Variants in SLC39A2 observed in about 807,000 individuals in gnomAD.
SLC39A2 encodes solute carrier family 39 member 2.
SLC39A2 carries 14 observed loss-of-function variants against 18.0 expected under a neutral mutation model. That is an observed-to-expected ratio of 0.78 (90% CI 0.51 to 1.22). The LOEUF (loss-of-function observed/expected upper bound fraction) is 1.22. Among genes scored for constraint, SLC39A2 ranks in the 50% most tolerant of loss-of-function variants. SLC39A2 has a pLI of 0.00. For synonymous variants in SLC39A2, 152 were observed against 153.1 expected, an observed-to-expected ratio of 0.99 and a Z score of 0.05; for missense variants, 375 against 370.6, an observed-to-expected ratio of 1.01 and a Z score of -0.10.
At chr14:21,000,256 G>A (rs1484763805) in intron 3 of SLC39A2, 90 bp downstream of exon 3, 4 of 912,702 alleles carry the variant, frequency 4.4e-6, no homozygotes, top group Non-Finnish European at 6.9e-6. Context: ...AATACATGAG[G>A]AGTACCAAGA....
intron 3 of SLC39A2, 115 bp from the exon 4 acceptor site, chr14:21,000,832 T>C (rs552575433): frequency 1.5e-5 from 14 of 904,276 alleles, no homozygotes; most frequent in African/African-American, 1.5e-4. Context: ...TCCCCTACCC[T>C]TTTTTGTGTT....
At position 21,001,064 on chromosome 14, in the gene SLC39A2, G is replaced by A. The variant is rs144375696; in HGVS notation, c.415G>A (p.Glu139Lys). Reference sequence around the variant, plus strand: ...TGCTGGAGGATCGACAGTGCAGGACGAAGAATGGGGTGGGGCTCATATCTT... The same window carrying A: ...TGCTGGAGGATCGACAGTGCAGGACAAAGAATGGGGTGGGGCTCATATCTT... ...GAAGGSTVQD[E>K]EWGGAHIFEL... The change falls in exon 4 of 4, where the codon GAA (glutamate) becomes AAA (lysine). Residue 139 changes from glutamate to lysine, a missense_variant. Glu to Lys is a moderately conservative substitution (Grantham distance 56). Coordinates refer to ENST00000298681, the MANE Select transcript of SLC39A2 (RefSeq NM_014579.4). 643 of 1,607,860 alleles carry A rather than the reference G, an allele frequency of 4.0e-4. 4 individuals are homozygous for A. The highest frequency in any genetic ancestry group is 1.2e-3 in the Middle Eastern group (7 of 6,052).
chr14:20,999,365 G>A lies in SLC39A2; in HGVS notation c.-82G>A, dbSNP rs1250860211. 10 of 1,013,138 alleles carry A rather than the reference G, an allele frequency of 9.9e-6. No individual in the cohort carries two copies. The highest frequency in any genetic ancestry group is 1.6e-5 in the Non-Finnish European group (10 of 639,466). The allele number at this position is 1,013,138 out of a possible 1,614,324, so 62.8% of individuals were successfully genotyped here. On this transcript the variant is annotated 5_prime_UTR_variant, in exon 1 of 4. Transcript: ENST00000298681. Reference sequence around the variant, plus strand: ...TCACGAGAGTGGACACTCCAGTGTTGACCACCTAAGATACCACTCCTGCTC... The same window carrying A: ...TCACGAGAGTGGACACTCCAGTGTTAACCACCTAAGATACCACTCCTGCTC...
Position 20,999,542 on chromosome 14 carries a change from C to A in SLC39A2, c.96C>A (p.Phe32Leu). 1 of 1,613,840 alleles carries A rather than the reference C, an allele frequency of 6.2e-7. No homozygotes were observed. Among genetic ancestry groups the A allele is most frequent in the Non-Finnish European group, 8.5e-7 (1 of 1,179,742 alleles). ...CGLTPICFKW[F>L]QIDAARGHHR... ...TTACTCCCATCTGCTTCAAATGGTT[C>A]CAGATTGATGCAGCCAGAGGTATAG... is the stretch of plus-strand genomic sequence containing the variant. Residue 32 changes from phenylalanine (F) to leucine (L), a missense_variant, in exon 1 of 4, where the codon TTC becomes TTA. By Grantham distance (22) the Phe-to-Leu change is conservative. Transcript: ENST00000298681.
Position 21,000,116 on chromosome 14 carries a change from A to C in SLC39A2, c.247A>C (p.Asn83His). The change falls in exon 3 of 4, where the codon AAC (asparagine) becomes CAC (histidine). Residue 83 changes from asparagine (N) to histidine (H), a missense_variant and splice_region_variant. Physicochemically the swap from Asn to His is moderately conservative, Grantham distance 68 (BLOSUM62 1). Transcript: ENST00000298681. ...ESQIQKFMVQ[N>H]RSASERNSSG... is the part of the protein sequence containing the mutation. ...CTAATTTCTGCTGCTTTCTTCTTAG[A>C]ACAGATCAGCAAGTGAGAGAAATTC... 1 of 1,612,574 alleles carries C rather than the reference A, an allele frequency of 6.2e-7. No homozygotes were observed. Among genetic ancestry groups the C allele is most frequent in the Non-Finnish European group, 8.5e-7 (1 of 1,179,172 alleles).
In SLC39A2 at chr14:21,001,250, G is replaced by C. The variant is rs766452966; in HGVS notation, c.601G>C (p.Ala201Pro). 1.2e-6 allele frequency: 2 copies of C among 1,614,208 alleles called. No homozygotes were observed. Among genetic ancestry groups the C allele is most frequent in the Admixed American group, 3.3e-5 (2 of 60,022 alleles). The change falls in exon 4 of 4, where the codon GCT becomes CCT. Residue 201 changes from alanine (A) to proline (P), a missense_variant. Ala to Pro is a conservative substitution (Grantham distance 27). Coordinates refer to ENST00000298681, the MANE Select transcript of SLC39A2 (RefSeq NM_014579.4). ...CGTGCAGCTCTGCCTTGCTGTCCTGGCTCATAAGGGGCTTGTGGTGTTTGG... is the reference window on the plus strand; with the variant it reads ...CGTGCAGCTCTGCCTTGCTGTCCTGCCTCATAAGGGGCTTGTGGTGTTTGG... ...ATVQLCLAVL[A>P]HKGLVVFGVG...
rs1272735714 is a variant in SLC39A2, at chr14:21,000,977, TC to T, written c.331del (p.Leu111TrpfsTer71). Reference sequence around the variant, plus strand: ...GTATCCCTATGGAGAGCTCATCATCTCCCTGGGCTTCTTTTTTGTCTTCTTT... The same window carrying T: ...GTATCCCTATGGAGAGCTCATCATCTCCTGGGCTTCTTTTTTGTCTTCTTT... ...MEYPYGELII[S>X]LGFFFVFFLE... On this transcript the variant is annotated frameshift_variant, in exon 4 of 4. Coordinates refer to ENST00000298681, the MANE Select transcript of SLC39A2 (RefSeq NM_014579.4). LOFTEE classifies it low-confidence loss of function (END_TRUNC). 1.4e-5 allele frequency: 21 copies of T among 1,519,010 alleles called. No homozygotes were observed. The African/African-American group carries it at 2.2e-4, about 16-fold the overall frequency. The allele number at this position is 1,519,010 out of a possible 1,614,324, so 94.1% of individuals were successfully genotyped here. A position where few individuals can be genotyped will look rare whatever the true frequency, so the allele number is the denominator to read the frequency against.
intron 3 of SLC39A2, 68 bp downstream of exon 3, chr14:21,000,234 C>G: frequency 8.5e-7 from 1 of 1,171,866 alleles, no homozygotes; most frequent in African/African-American, 1.5e-5. Flanking sequence ...ATATCCAGAC[C>G]CTTTTGAGAG....
rs758077612 is a variant in SLC39A2 at position 20,999,592 on chromosome 14, C to G, written c.115+31C>G. 42 of 1,596,026 alleles carry G rather than the reference C, an allele frequency of 2.6e-5. No homozygotes were observed. In the East Asian group the frequency reaches 9.4e-4, roughly 36 times the overall value. On this transcript the variant is annotated intron_variant, in intron 1 of 3. Transcript: ENST00000298681. ...GCCCTACCCCATCTTTGTTCCATAG[C>G]CTGAGTCTCACCTCAACCCTGTCCT...
intron 1 of SLC39A2, 25 bp downstream of exon 1, chr14:20,999,586 C>T (rs368524789): frequency 1.7e-5 from 28 of 1,600,196 alleles, no homozygotes; most frequent in Non-Finnish European, 2.2e-5. Context: ...CATCTTTGTT[C>T]CATAGCCTGA....
rs376675760 is a variant in SLC39A2 at position 20,999,369 on chromosome 14, A to C, written c.-78A>C. 8 of 1,065,688 alleles carry C rather than the reference A, an allele frequency of 7.5e-6. No homozygotes were observed. In the African/African-American group the frequency reaches 1.2e-4, roughly 17 times the overall value. The allele number at this position is 1,065,688 out of a possible 1,614,324, so 66.0% of individuals were successfully genotyped here. A position where few individuals can be genotyped will look rare whatever the true frequency, so the allele number is the denominator to read the frequency against. ...GAGAGTGGACACTCCAGTGTTGACC[A>C]CCTAAGATACCACTCCTGCTCCAAA... is the stretch of plus-strand genomic sequence containing the variant. On this transcript the variant is annotated 5_prime_UTR_variant, in exon 1 of 4. Coordinates refer to ENST00000298681, the MANE Select transcript of SLC39A2 (RefSeq NM_014579.4).
In SLC39A2 at chr14:21,001,429, G is replaced by T; in HGVS notation, c.780G>T (p.Val260=). 9.9e-6 allele frequency: 16 copies of T among 1,614,116 alleles called. No homozygotes were observed. Among genetic ancestry groups the T allele is most frequent in the Non-Finnish European group, 1.4e-5 (16 of 1,179,958 alleles). ...GAGGGCGGGGCTTAGCCCAGGCTGTGTTAGAGGGTGTGGCAGCTGGTACCT... is the reference window on the plus strand; with the variant it reads ...GAGGGCGGGGCTTAGCCCAGGCTGTTTTAGAGGGTGTGGCAGCTGGTACCT... The part of the protein sequence containing the change: ...SEGGRGLAQA[V]LEGVAAGTFL... The change falls in exon 4 of 4, where the codon GTG becomes GTT. Residue 260 remains valine (V), a synonymous_variant. Coordinates refer to ENST00000298681, the MANE Select transcript of SLC39A2 (RefSeq NM_014579.4).
At chr14:21,000,536 A>C (rs538456826) in intron 3 of SLC39A2, among the ~76,000 whole-genome samples, 8 of 152,270 alleles carry the variant, frequency 5.3e-5, no homozygotes, top group South Asian at 4.1e-4. Context: ...CAGTGGCACA[A>C]TCTCGGCTCA....
chr14:20,999,826 A>T lies in SLC39A2; in HGVS notation c.200A>T (p.Glu67Val), dbSNP rs763320179. Residue 67 changes from glutamate to valine, a missense_variant, in exon 2 of 4, where the codon GAA (glutamate) becomes GTA (valine). Physicochemically the swap from Glu to Val is moderately radical, Grantham distance 121. Coordinates refer to ENST00000298681, the MANE Select transcript of SLC39A2 (RefSeq NM_014579.4). ...GCAGGGTTCATGCATATGACTGCTG[A>T]AGCCCTGGAGGAAATTGAATCACAG... ...LGAGFMHMTA[E>V]ALEEIESQIQ... is the part of the protein sequence containing the mutation. 6 of 1,614,182 alleles carry T rather than the reference A, an allele frequency of 3.7e-6. No homozygotes were observed. The highest frequency in any genetic ancestry group is 5.1e-6 in the Non-Finnish European group (6 of 1,180,012).
chr14:20,999,956 G>A, intron 2 of SLC39A2, 84 bp downstream of exon 2: 1 of 1,566,830 alleles, frequency 6.4e-7, no homozygotes. Flanking sequence ...AAGTGATGGA[G>A]CCAAGGACAT....
At chr14:21,000,061 C>A in intron 2 of SLC39A2, 55 bp from the exon 3 acceptor site, 1 of 1,519,916 alleles carries the variant, frequency 6.6e-7, no homozygotes, top group Non-Finnish European at 9.0e-7. Flanking sequence ...GAAGGGACAG[C>A]ACAGGAAGCT....
chr14:20,999,375 GATACCACTC>G lies in SLC39A2; in HGVS notation c.-71_-63del, dbSNP rs144563844. On this transcript the variant is annotated 5_prime_UTR_variant, in exon 1 of 4. Transcript: ENST00000298681. Reference sequence around the variant, plus strand: ...GGACACTCCAGTGTTGACCACCTAAGATACCACTCCTGCTCCAAAGATTACAGCTCCCTT... The same window carrying G: ...GGACACTCCAGTGTTGACCACCTAAGCTGCTCCAAAGATTACAGCTCCCTT... 4.8e-4 allele frequency: 556 copies of G among 1,157,804 alleles called. 3 individuals carry two copies. In the African/African-American group the frequency reaches 7.7e-3, roughly 16 times the overall value. The allele number at this position is 1,157,804 out of a possible 1,614,324, so 71.7% of individuals were successfully genotyped here.
intron 3 of SLC39A2, 49 bp from the exon 4 acceptor site, chr14:21,000,898 T>C (rs1468310373): frequency 5.0e-6 from 7 of 1,388,750 alleles, no homozygotes; most frequent in Non-Finnish European, 6.7e-6. Context: ...CCATCCAATG[T>C]ATTGCCTACC....
chr14:21,001,525 G>A lies in SLC39A2; in HGVS notation c.876G>A (p.Trp292Ter), dbSNP rs1436616846. The A allele has an allele frequency of 6.2e-7, 1 of 1,600,390 alleles. No homozygotes were observed. Among genetic ancestry groups the A allele is most frequent in the Admixed American group, 1.7e-5 (1 of 57,878 alleles). The change falls in exon 4 of 4, where the codon TGG becomes TGA. Residue 292 changes from tryptophan (W) to a stop codon, truncating the protein, a stop_gained. Transcript: ENST00000298681. LOFTEE classifies it high-confidence loss of function. The part of the protein sequence containing the change: ...LASPEAPLAK[W>*]SCVAAGFAFM... ...GTCCTGAGGCCCCTCTAGCTAAGTG[G>A]AGCTGTGTAGCCGCTGGTTTTGCCT...
Sources: gnomAD v4.1 joint callset for allele counts (sites outside exome capture counted in the v4.1 genomes callset) on GRCh38, gnomAD v4.1.1 for gene constraint, MANE v1.5 for transcripts, NCBI Gene and HGNC (gene_info 2026-07-23, HGNC 2026-07-21) for gene names.